The following ARHGAP39 variants were observed in gnomAD, a reference collection of about 807,000 sequenced individuals.
The protein encoded by ARHGAP39 is Rho GTPase activating protein 39.
A neutral mutation model predicts 106.9 loss-of-function variants in ARHGAP39; 44 were observed. That is an observed-to-expected ratio of 0.41 (90% CI 0.32 to 0.53). The LOEUF is 0.53. ARHGAP39 is among the 20% of genes least tolerant of loss of function. ARHGAP39 has a pLI of 0.21. For synonymous variants in ARHGAP39, 768 were observed against 693.2 expected (o/e 1.11, Z -1.69); for missense variants, 1,496 against 1,577.3 (o/e 0.95, Z 0.87).
In ARHGAP39 at chr8:144,619,794, G is replaced by A. The variant is rs997157962; in HGVS notation, c.-81-14099C>T. ...TGTGTGAGCCTGTGTCCGAGAGAGC[G>A]CGTGCCCGTGTGTGTGAGCTTGTGT... is the stretch of plus-strand genomic sequence containing the variant. On this transcript the variant is annotated intron_variant, in intron 1 of 11. Coordinates refer to ENST00000377307, the MANE Select transcript of ARHGAP39 (RefSeq NM_025251.3). Among the ~76,000 whole-genome samples the A allele has an allele frequency of 5.3e-5, 8 of 150,396 alleles. 1 individual carries two copies. Among genetic ancestry groups the A allele is most frequent in the Middle Eastern group, 3.5e-3 (1 of 288 alleles).
intron 1 of ARHGAP39, among the ~76,000 whole-genome samples, chr8:144,668,928 T>C: frequency 6.6e-6 from 1 of 152,128 alleles, no homozygotes; most frequent in Non-Finnish European, 1.5e-5. Context: ...CTCACAAAGC[T>C]ACCATAATTA....
At chr8:144,575,289 C>T (rs1363631415) in intron 3 of ARHGAP39, among the ~76,000 whole-genome samples, 1 of 152,168 alleles carries the variant, frequency 6.6e-6, no homozygotes, top group Admixed American at 6.5e-5. Context: ...AAAACTTCTT[C>T]TTTCATCAGT....
chr8:144,604,443 T>G lies in ARHGAP39; in HGVS notation c.80+1092A>C, dbSNP rs777337236. Among the ~76,000 whole-genome samples, 1 of 152,110 alleles carries G rather than the reference T, an allele frequency of 6.6e-6. No individual in the cohort carries two copies. Among genetic ancestry groups the G allele is most frequent in the Non-Finnish European group, 1.5e-5 (1 of 68,030 alleles). On this transcript the variant is annotated intron_variant, in intron 2 of 11. Transcript: ENST00000377307. The surrounding 1 kb of genome is among the most constrained non-coding windows in gnomAD (Gnocchi z 4.1). ...CTCAGGCCAGAGTGCAGTGGTGTGA[T>G]CTCAGCTCACTGCAGCCTAAACCTC... is the stretch of plus-strand genomic sequence containing the variant.
chr8:144,668,421 G>A (rs1206377196), intron 1 of ARHGAP39, among the ~76,000 whole-genome samples: 1 of 152,114 alleles, frequency 6.6e-6, no homozygotes, highest in Non-Finnish European at 1.5e-5. Flanking sequence ...ATCATGGGTG[G>A]TGACAGAGTG....
At chr8:144,535,350 C>T (rs963618762) in intron 7 of ARHGAP39, among the ~76,000 whole-genome samples, 4 of 152,220 alleles carry the variant, frequency 2.6e-5, no homozygotes, top group African/African-American at 9.6e-5. Flanking sequence ...ACGTTTAGGT[C>T]CTAGAAAATC....
intron 1 of ARHGAP39, among the ~76,000 whole-genome samples, chr8:144,674,289 C>G (rs79866568): frequency 6.6e-6 from 1 of 152,166 alleles, no homozygotes; most frequent in Non-Finnish European, 1.5e-5. Flanking sequence ...CTTCACTGTG[C>G]GACAGAACAG....
rs1335950696 is a variant in ARHGAP39 at position 144,573,026 on chromosome 8, T to C, written c.512+7820A>G. ...GTGGGACTGTAAACTAGTTCAACCA[T>C]TGTGGAAGACAGTGTGGCAATTCGT... On this transcript the variant is annotated intron_variant, in intron 3 of 11. Transcript: ENST00000377307. 6.6e-5 allele frequency among the ~76,000 whole-genome samples: 10 copies of C among 152,318 alleles called. No individual in the cohort carries two copies. In the East Asian group the frequency reaches 1.5e-3, roughly 24 times the overall value.
intron 1 of ARHGAP39, among the ~76,000 whole-genome samples, chr8:144,667,913 T>A (rs1822004768): frequency 6.6e-6 from 1 of 152,230 alleles, no homozygotes; most frequent in Admixed American, 6.5e-5. Flanking sequence ...TCAAAACATT[T>A]TTCCTAGACT....
At chr8:144,555,368 CT>C (rs1817876602) in intron 4 of ARHGAP39, among the ~76,000 whole-genome samples, 191 bp downstream of exon 4, 1 of 152,238 alleles carries the variant, frequency 6.6e-6, no homozygotes, top group African/African-American at 2.4e-5. Context: ...TAGACAGGGG[CT>C]GCCAATGGGC....
At chr8:144,665,397 A>G (rs1821937628) in intron 1 of ARHGAP39, among the ~76,000 whole-genome samples, 1 of 152,256 alleles carries the variant, frequency 6.6e-6, no homozygotes, top group South Asian at 2.1e-4. Flanking sequence ...ACAAATTTGC[A>G]TAAGTAGCAA....
At chr8:144,608,323 C>T (rs1429423464) in intron 1 of ARHGAP39, among the ~76,000 whole-genome samples, 1 of 152,144 alleles carries the variant, frequency 6.6e-6, no homozygotes, top group Non-Finnish European at 1.5e-5. Flanking sequence ...AAAGCATCCA[C>T]CACAGCCTGA....
chr8:144,596,144 C>A (rs1268025518), intron 2 of ARHGAP39, among the ~76,000 whole-genome samples: 1 of 152,318 alleles, frequency 6.6e-6, no homozygotes, highest in African/African-American at 2.4e-5. Context: ...GCCCTGGCAG[C>A]AGAGGGGACG....
chr8:144,658,830 T>C (rs563758756), intron 1 of ARHGAP39, among the ~76,000 whole-genome samples: 117 of 152,266 alleles, frequency 7.7e-4, no homozygotes, highest in African/African-American at 2.5e-3. Context: ...AAAATGATTA[T>C]ATATGTAAAA....
Position 144,547,998 on chromosome 8 carries a change from C to G in ARHGAP39, c.1088G>C (p.Gly363Ala), listed in dbSNP as rs774980053. 6 of 1,610,068 alleles carry G rather than the reference C, an allele frequency of 3.7e-6. No individual in the cohort carries two copies. Among genetic ancestry groups the G allele is most frequent in the African/African-American group, 2.7e-5 (2 of 74,886 alleles). ...PRPFLQPNKQ[G>A]PPSPCQQLVL... is the part of the protein sequence containing the mutation. ...CAGCTGCTGGCAGGGCGAGGGGGGG[C>G]CCTGCTTGTTGGGCTGGAGGAACGG... The change falls in exon 5 of 12, where the codon GGC becomes GCC. Residue 363 changes from glycine (G) to alanine (A), a missense_variant. Around this residue, in one of 4 missense-constraint regions of ARHGAP39, gnomAD observed 905 missense variants for 816.4 expected, o/e 1.11. Transcript: ENST00000377307. The surrounding 1 kb of genome is among the most constrained non-coding windows in gnomAD (Gnocchi z 5.2).
At chr8:144,576,304 G>A (rs931108013) in intron 3 of ARHGAP39, among the ~76,000 whole-genome samples, 2 of 127,168 alleles carry the variant, frequency 1.6e-5, no homozygotes, top group Non-Finnish European at 3.1e-5. Flanking sequence ...CTGCACTCCA[G>A]CCTGGGCGAC....
At chr8:144,674,978 T>G (rs1822195059) in intron 1 of ARHGAP39, among the ~76,000 whole-genome samples, 1 of 152,068 alleles carries the variant, frequency 6.6e-6, no homozygotes, top group South Asian at 2.1e-4. Context: ...GAAGGGGGGC[T>G]TCCTGAGTCC....
intron 3 of ARHGAP39, 122 bp from the exon 4 acceptor site, chr8:144,555,765 G>T: frequency 1.2e-6 from 1 of 823,298 alleles, no homozygotes; most frequent in Non-Finnish European, 2.0e-6. Flanking sequence ...CCTGGCTCCT[G>T]CCCCCAGGCT....
At chr8:144,599,362 G>C (rs1320851998) in intron 2 of ARHGAP39, among the ~76,000 whole-genome samples, 1 of 152,214 alleles carries the variant, frequency 6.6e-6, no homozygotes, top group Admixed American at 6.5e-5. Flanking sequence ...GTGATGTCTA[G>C]GGGATGTTTT....
At chr8:144,567,984 G>A (rs1818462272) in intron 3 of ARHGAP39, among the ~76,000 whole-genome samples, 2 of 152,168 alleles carry the variant, frequency 1.3e-5, no homozygotes, top group South Asian at 4.2e-4. Context: ...TTATCTCTTT[G>A]TCTTGTGTCT....
Sources: allele counts gnomAD v4.1 joint callset (sites outside exome capture counted in the v4.1 genomes callset), GRCh38; gene constraint gnomAD v4.1.1; regional missense constraint gnomAD v4.1.1; non-coding constraint Gnocchi (gnomAD v3.1); transcripts MANE v1.5; gene names NCBI Gene and HGNC (gene_info 2026-07-23, HGNC 2026-07-21).